The following MFAP5 variants were observed in gnomAD, a reference collection of about 807,000 sequenced individuals.
MFAP5 encodes the protein microfibril associated protein 5.
A neutral mutation model predicts 30.1 loss-of-function variants in MFAP5; 19 were observed. That is an observed-to-expected ratio of 0.63 (90% CI 0.44 to 0.93). The LOEUF is 0.93. Among genes scored for constraint, MFAP5 ranks in the 40% least tolerant of loss-of-function variants. The pLI is 0.00. For synonymous variants in MFAP5, 92 were observed against 72.9 expected (o/e 1.26, Z -1.33); for missense variants, 210 against 221.3 (o/e 0.95, Z 0.32).
chr12:8,653,890 C>T (rs754915659), intron 6 of MFAP5, among the ~76,000 whole-genome samples: 19 of 152,084 alleles, frequency 1.2e-4, no homozygotes, highest in African/African-American at 3.9e-4. Context: ...TTTGGGAGGC[C>T]GAGGCAGGTG....
chr12:8,656,165 A>T (rs935928294), intron 3 of MFAP5, among the ~76,000 whole-genome samples: 3 of 145,506 alleles, frequency 2.1e-5, no homozygotes, highest in Non-Finnish European at 4.5e-5. Context: ...GGTTCACATC[A>T]TTCTCCTGCC....
rs1329614871 is a variant in MFAP5, at chr12:8,655,776, T to C, written c.139+10A>G. 12 of 1,608,450 alleles carry C rather than the reference T, an allele frequency of 7.5e-6. No homozygotes were observed. The East Asian group carries it at 2.5e-4, about 33-fold the overall frequency. On this transcript the variant is annotated intron_variant, in intron 4 of 9. Transcript: ENST00000359478. ...CAGCAAACAAACAAACAAACAAAAG[T>C]GTAGCTTACTAGGATCTTCTGTGAA... is the stretch of plus-strand genomic sequence containing the variant.
intron 3 of MFAP5, among the ~76,000 whole-genome samples, chr12:8,658,206 G>A (rs1041918671): frequency 2.0e-5 from 3 of 152,036 alleles, no homozygotes; most frequent in African/African-American, 7.2e-5. Flanking sequence ...AAAATTAGCT[G>A]GGCATGGGTG....
rs1942189430 is a variant in MFAP5 at position 8,662,608 on chromosome 12, A to C, written c.-3+19T>G. 1 of 158,206 alleles carries C rather than the reference A, an allele frequency of 6.3e-6. No individual in the cohort carries two copies. Among genetic ancestry groups the C allele is most frequent in the African/African-American group, 2.4e-5 (1 of 41,438 alleles). The allele number at this position is 158,206 out of a possible 1,614,324, so 9.8% of individuals were successfully genotyped here. On this transcript the variant is annotated intron_variant, in intron 1 of 9. Coordinates refer to ENST00000359478, the MANE Select transcript of MFAP5 (RefSeq NM_003480.4). ...ATTCCCTCTGTCTCTTTAGGGTTTC[A>C]GGTAATCAAATAACTCACTGTCTAT...
intron 3 of MFAP5, among the ~76,000 whole-genome samples, chr12:8,658,962 C>T (rs1431519953): frequency 6.7e-6 from 1 of 149,808 alleles, no homozygotes; most frequent in Non-Finnish European, 1.5e-5. Context: ...TTCTGAGTAG[C>T]TAGGACAACC....
At chr12:8,655,569 C>G (rs1470769481) in intron 4 of MFAP5, 122 bp from the exon 5 acceptor site, 2 of 1,094,954 alleles carry the variant, frequency 1.8e-6, no homozygotes, top group Non-Finnish European at 1.3e-6. Context: ...CCTGTGGACT[C>G]GGGCAGATGA....
At chr12:8,656,061 T>C (rs76219391) in intron 3 of MFAP5, among the ~76,000 whole-genome samples, 2 of 21,866 alleles carry the variant, frequency 9.1e-5, no homozygotes, top group South Asian at 3.3e-3. Flanking sequence ...TCATAATTCT[T>C]TTTTTTTTTT....
At chr12:8,650,350 T>C in intron 8 of MFAP5, 152 bp downstream of exon 8, 2 of 668,934 alleles carry the variant, frequency 3.0e-6, no homozygotes, top group Non-Finnish European at 5.4e-6. Flanking sequence ...CTCCAGGTTC[T>C]AGTTGGTACA....
Position 8,650,504 on chromosome 12 carries a change from G to A in MFAP5, c.333C>T (p.Thr111=), listed in dbSNP as rs1392804097. The change falls in exon 8 of 10, where the codon ACC becomes ACT. Residue 111 remains threonine, a splice_region_variant and synonymous_variant. Coordinates refer to ENST00000359478, the MANE Select transcript of MFAP5 (RefSeq NM_003480.4). The part of the protein sequence containing the change: ...VKQCIHQLCF[T]SLRRMYIVNK... ...TTGGGCATTCTGGGATCCCTTACCT[G>A]GTGAAGCATAACTGATGAATGCATT... is the stretch of plus-strand genomic sequence containing the variant. 4 of 1,613,732 alleles carry A rather than the reference G, an allele frequency of 2.5e-6. No homozygotes were observed. The highest frequency in any genetic ancestry group is 4.5e-5 in the East Asian group (2 of 44,870).
intron 3 of MFAP5, among the ~76,000 whole-genome samples, chr12:8,657,182 T>C (rs35742897): frequency 0.19 from 28,451 of 152,090 alleles, 2,817 homozygotes; most frequent in Non-Finnish European, 0.22. Flanking sequence ...AAAGTAAATG[T>C]TAATGCTGTT....
intron 3 of MFAP5, 62 bp from the exon 4 acceptor site, chr12:8,655,892 C>T: frequency 2.1e-6 from 3 of 1,461,048 alleles, no homozygotes; most frequent in Non-Finnish European, 2.9e-6. Flanking sequence ...CCTTGCACTT[C>T]CAGTAAGTTA....
chr12:8,653,496 G>A (rs112013053), intron 6 of MFAP5, among the ~76,000 whole-genome samples: 5 of 152,008 alleles, frequency 3.3e-5, no homozygotes, highest in East Asian at 1.9e-4. Context: ...GTTGGTTTTC[G>A]TGTCCACCCT....
Position 8,651,663 on chromosome 12 carries a change from T to G in MFAP5, c.246A>C (p.Ala82=). ...AAGGCATGCAAGCAACAATCATACCTGCAGTGGTATTTTTTTCACTGAGGG... is the reference window on the plus strand; with the variant it reads ...AAGGCATGCAAGCAACAATCATACCGGCAGTGGTATTTTTTTCACTGAGGG... ...LASLSEKNTT[A]ECWDEKFTCT... is the part of the protein sequence containing the mutation. The change falls in exon 7 of 10, where the codon GCA becomes GCC. Residue 82 remains alanine, a splice_region_variant and synonymous_variant. Coordinates refer to ENST00000359478, the MANE Select transcript of MFAP5 (RefSeq NM_003480.4). 6.2e-7 allele frequency: 1 copy of G among 1,613,958 alleles called. No homozygotes were observed. Among genetic ancestry groups the G allele is most frequent in the Non-Finnish European group, 8.5e-7 (1 of 1,179,868 alleles).
intron 6 of MFAP5, among the ~76,000 whole-genome samples, chr12:8,654,074 G>A (rs79776265): frequency 7.3e-5 from 11 of 150,138 alleles, no homozygotes; most frequent in African/African-American, 2.0e-4. Context: ...CGCAGTGAGC[G>A]GAGATCGCGC....
rs934301255 is a variant in MFAP5 at position 8,646,237 on chromosome 12, G to A, written c.*1854C>T. ...ATTATATGCTTTGGGGCTTTTTGTA[G>A]CATTTTTTTAAAATCAGTTGTACAG... On this transcript the variant is annotated 3_prime_UTR_variant, in exon 10 of 10. Transcript: ENST00000359478. 2 of 152,084 alleles carry A rather than the reference G, an allele frequency of 1.3e-5. No homozygotes were observed. Among genetic ancestry groups the A allele is most frequent in the Non-Finnish European group, 2.9e-5 (2 of 67,950 alleles). The allele number at this position is 152,084 out of a possible 1,614,324, so 9.4% of individuals were successfully genotyped here.
chr12:8,650,221 T>A (rs766052001), intron 8 of MFAP5, among the ~76,000 whole-genome samples: 2 of 152,294 alleles, frequency 1.3e-5, no homozygotes, highest in South Asian at 4.1e-4. Context: ...TCTCCTTCTA[T>A]CAGGTAATAA....
chr12:8,648,604 C>G (rs1941746670), intron 9 of MFAP5: 2 of 1,124,088 alleles, frequency 1.8e-6, no homozygotes, highest in Non-Finnish European at 2.4e-6. Context: ...CATTTACGTG[C>G]TTACTATGGG....
intron 8 of MFAP5, 116 bp from the exon 9 acceptor site, chr12:8,649,690 G>T: frequency 1.4e-6 from 1 of 731,974 alleles, no homozygotes; most frequent in Admixed American, 2.3e-5. Flanking sequence ...TTCCCTATCT[G>T]CTTTTCCCCA....
chr12:8,652,040 C>T (rs35327409), intron 6 of MFAP5, among the ~76,000 whole-genome samples: 10,788 of 152,120 alleles, frequency 0.071, 401 homozygotes, highest in Middle Eastern at 0.1. Flanking sequence ...TAGAGCTAAG[C>T]AGAGAAAAGA....
Sources: allele counts gnomAD v4.1 joint callset (sites outside exome capture counted in the v4.1 genomes callset), GRCh38; gene constraint gnomAD v4.1.1; transcripts MANE v1.5; gene names NCBI Gene and HGNC (gene_info 2026-07-23, HGNC 2026-07-21).